The following SCAF4 variants were observed in gnomAD, a reference collection of about 807,000 sequenced individuals.
SCAF4 encodes the protein SR-related and CTD-associated factor 4.
Under a neutral mutation model 129.8 loss-of-function variants are expected in SCAF4, and 25 were observed. The ratio of observed to expected loss-of-function variants is 0.19; its 90% CI spans 0.14 to 0.27. The LOEUF is 0.27. Among genes scored for constraint, SCAF4 ranks in the 10% least tolerant of loss-of-function variants. The probability of loss-of-function intolerance (pLI) is 1.00; values close to 1 mark genes in which losing one functional copy is unlikely to be tolerated. For missense variants in SCAF4, 1,246 were observed against 1,457.1 expected, an observed-to-expected ratio of 0.86 and a Z score of 2.36; for synonymous variants, 551 against 497.7, an observed-to-expected ratio of 1.11 and a Z score of -1.43.
At chr21:31,674,307 G>A (rs895764188) in intron 19 of SCAF4, among the ~76,000 whole-genome samples, 1 of 152,142 alleles carries the variant, frequency 6.6e-6, no homozygotes, top group East Asian at 1.9e-4. Flanking sequence ...TTATATAAAA[G>A]CACAATTTTT....
At chr21:31,709,996 T>C (rs2050761688) in intron 1 of SCAF4, among the ~76,000 whole-genome samples, 1 of 151,934 alleles carries the variant, frequency 6.6e-6, no homozygotes, top group South Asian at 2.1e-4. Context: ...CAGACTAAAT[T>C]TGTGCAGAGA....
At chr21:31,718,430 T>C (rs1440394465) in intron 1 of SCAF4, among the ~76,000 whole-genome samples, 1 of 152,198 alleles carries the variant, frequency 6.6e-6, no homozygotes, top group African/African-American at 2.4e-5. Context: ...ATTGTCAATA[T>C]GAAATACTCC....
intron 1 of SCAF4, among the ~76,000 whole-genome samples, chr21:31,719,116 C>A (rs1447189247): frequency 6.6e-6 from 1 of 152,028 alleles, no homozygotes; most frequent in Non-Finnish European, 1.5e-5. Flanking sequence ...CATGGAGAAA[C>A]CCCATCTCTA....
At position 31,727,680 on chromosome 21, in the gene SCAF4, T is replaced by A. The variant is rs561011234; in HGVS notation, c.30+3983A>T. Among the ~76,000 whole-genome samples, 9 of 151,956 alleles carry A rather than the reference T, an allele frequency of 5.9e-5. No individual in the cohort carries two copies. In the South Asian group the frequency reaches 1.7e-3, roughly 28 times the overall value. ...GGTGGTGTGCTCCTGTAGTCCCAGC[T>A]ACTCGGGAGGAGAGGCAGGAGAATC... On this transcript the variant is annotated intron_variant, in intron 1 of 19. Transcript: ENST00000286835.
intron 1 of SCAF4, among the ~76,000 whole-genome samples, chr21:31,728,165 T>G (rs1176835621): frequency 6.6e-6 from 1 of 152,192 alleles, no homozygotes; most frequent in Admixed American, 6.5e-5. Flanking sequence ...TTGAAAATGC[T>G]AAAGCCTCTA....
At chr21:31,725,962 C>T (rs2051192421) in intron 1 of SCAF4, among the ~76,000 whole-genome samples, 2 of 151,426 alleles carry the variant, frequency 1.3e-5, no homozygotes, top group Non-Finnish European at 2.9e-5. Flanking sequence ...TAAACACTTG[C>T]ATTTCTCAGT....
In SCAF4 at chr21:31,682,944, T is replaced by C. The variant is rs1301848117; in HGVS notation, c.2488+2105A>G. ...CATTCCTCTATAAGGTCAAAATTCC[T>C]GTGATATTCTTTTCAAGACTGCTGA... On this transcript the variant is annotated intron_variant, in intron 19 of 19. Transcript: ENST00000286835. 4.6e-5 allele frequency among the ~76,000 whole-genome samples: 7 copies of C among 152,334 alleles called. No individual in the cohort carries two copies. The East Asian group carries it at 1.2e-3, about 25-fold the overall frequency.
At chr21:31,686,225 A>G (rs1419949881) in intron 16 of SCAF4, among the ~76,000 whole-genome samples, 26 of 151,744 alleles carry the variant, frequency 1.7e-4, no homozygotes, top group Admixed American at 1.6e-3. Context: ...AAGAAAAAAA[A>G]AAAAAAGGAA....
At chr21:31,695,114 C>T (rs73201522) in intron 9 of SCAF4, 134 bp from the exon 10 acceptor site, 26,117 of 700,892 alleles carry the variant, frequency 0.037, 670 homozygotes, top group Non-Finnish European at 0.044. Flanking sequence ...CATTGTTTAA[C>T]AATTTCCATA....
At chr21:31,686,520 A>T (rs905445892) in intron 16 of SCAF4, among the ~76,000 whole-genome samples, 1 of 152,162 alleles carries the variant, frequency 6.6e-6, no homozygotes, top group Non-Finnish European at 1.5e-5. Flanking sequence ...AACCACACAT[A>T]ATTATGCAGA....
At chr21:31,720,944 T>C (rs1433301641) in intron 1 of SCAF4, among the ~76,000 whole-genome samples, 2 of 152,208 alleles carry the variant, frequency 1.3e-5, no homozygotes, top group African/African-American at 2.4e-5. Flanking sequence ...AACAACAAAA[T>C]GGTTATGATA....
intron 2 of SCAF4, 68 bp from the exon 3 acceptor site, chr21:31,705,535 T>C: frequency 1.5e-6 from 1 of 651,028 alleles, no homozygotes; most frequent in Non-Finnish European, 2.5e-6. Context: ...ATTAGAAAAT[T>C]CTTAAAACTC....
At chr21:31,716,806 A>G (rs1449886019) in intron 1 of SCAF4, among the ~76,000 whole-genome samples, 1 of 152,116 alleles carries the variant, frequency 6.6e-6, no homozygotes, top group East Asian at 1.9e-4. Context: ...TACTTTTTTA[A>G]TATCAGGTAA....
chr21:31,696,886 C>T, intron 7 of SCAF4, 136 bp from the exon 8 acceptor site: 1 of 692,776 alleles, frequency 1.4e-6, no homozygotes, highest in Admixed American at 2.8e-5. Context: ...CCCTTATGCC[C>T]CTCAGGACCT....
At position 31,691,994 on chromosome 21, in the gene SCAF4, C is replaced by G. The variant is rs1313194056; in HGVS notation, c.1615-64G>C. On this transcript the variant is annotated intron_variant, in intron 13 of 19. Coordinates refer to ENST00000286835, the MANE Select transcript of SCAF4 (RefSeq NM_020706.2). ...ATTGAAAAGCAACAAGATACAACAC[C>G]AAGTAAGCAGTTCCAACAATCCCAT... 5 of 816,736 alleles carry G rather than the reference C, an allele frequency of 6.1e-6. No individual in the cohort carries two copies. The East Asian group carries it at 1.3e-4, about 21-fold the overall frequency. 50.6% of individuals were successfully genotyped at this position (816,736 alleles called of 1,614,324 possible).
In SCAF4 at chr21:31,671,419, C is replaced by T. The variant is rs11910269; in HGVS notation, c.3424G>A (p.Ala1142Thr). The T allele has an allele frequency of 6.2e-7, 1 of 1,613,754 alleles. No individual in the cohort carries two copies. Among genetic ancestry groups the T allele is most frequent in the Non-Finnish European group, 8.5e-7 (1 of 1,179,802 alleles). ...AGTCTCTAACGAGGAGCCTCTGCTGCTGAGCCAGAATCCTTTTCGGGTTCA... is the reference window on the plus strand; with the variant it reads ...AGTCTCTAACGAGGAGCCTCTGCTGTTGAGCCAGAATCCTTTTCGGGTTCA... ...SVEPEKDSGS[A>T]AEAPR The change falls in exon 20 of 20, where the codon GCA becomes ACA. Residue 1142 changes from alanine to threonine, a missense_variant. Ala to Thr is a moderately conservative substitution (Grantham distance 58). Around this residue, in one of 6 missense-constraint regions of SCAF4, gnomAD observed 339 missense variants for 325.0 expected, o/e 1.04. Coordinates refer to ENST00000286835, the MANE Select transcript of SCAF4 (RefSeq NM_020706.2).
rs144729362 is a variant in SCAF4 at position 31,706,390 on chromosome 21, T to C, written c.31-33A>G. On this transcript the variant is annotated intron_variant, in intron 1 of 19. Coordinates refer to ENST00000286835, the MANE Select transcript of SCAF4 (RefSeq NM_020706.2). Reference sequence around the variant, plus strand: ...GACAAAAAACAAACAAAAAGTAAAGTTTAACTATTTGGCTAGTAAATAAGC... The same window carrying C: ...GACAAAAAACAAACAAAAAGTAAAGCTTAACTATTTGGCTAGTAAATAAGC... The C allele has an allele frequency of 3.5e-4, 498 of 1,420,278 alleles. 2 individuals carry two copies. In the African/African-American group the frequency reaches 6.5e-3, roughly 19 times the overall value. 88.0% of individuals were successfully genotyped at this position (1,420,278 alleles called of 1,614,324 possible).
chr21:31,714,129 T>C (rs1217083666), intron 1 of SCAF4, among the ~76,000 whole-genome samples: 2 of 152,078 alleles, frequency 1.3e-5, no homozygotes, highest in African/African-American at 2.4e-5. Flanking sequence ...GATATACTGA[T>C]ATCTGCTTGA....
At chr21:31,680,733 A>G (rs1447408119) in intron 19 of SCAF4, among the ~76,000 whole-genome samples, 2 of 152,260 alleles carry the variant, frequency 1.3e-5, no homozygotes, top group Admixed American at 1.3e-4. Flanking sequence ...CTAGTGCATT[A>G]CTAGTAGACT....
Sources: gnomAD v4.1 joint callset for allele counts (sites outside exome capture counted in the v4.1 genomes callset) on GRCh38, gnomAD v4.1.1 for gene constraint, gnomAD v4.1.1 regional missense constraint, MANE v1.5 for transcripts, NCBI Gene and HGNC (gene_info 2026-07-23, HGNC 2026-07-21) for gene names.